The following SGCD variants were observed in gnomAD, a reference collection of about 807,000 sequenced individuals.
SGCD encodes sarcoglycan delta, also known as delta-sarcoglycan.
In SGCD, 18 loss-of-function variants were observed where a neutral mutation model predicts 36.6. The observed-to-expected ratio is 0.49, with a 90% CI of 0.34 to 0.73. The LOEUF (loss-of-function observed/expected upper bound fraction) is 0.73, where lower values mean the gene tolerates loss of function less well. SGCD is among the 30% of genes least tolerant of loss of function. The pLI is 0.01. For synonymous variants in SGCD, 133 were observed against 130.6 expected (o/e 1.02, Z -0.12); for missense variants, 387 against 346.7 (o/e 1.12, Z -0.92).
chr5:156,490,703 C>A (rs1249372116), intron 3 of SGCD, among the ~76,000 whole-genome samples: 1 of 151,848 alleles, frequency 6.6e-6, no homozygotes, highest in Non-Finnish European at 1.5e-5. Flanking sequence ...AAGGGACGTA[C>A]CTTGACATAC....
At chr5:156,244,931 A>ACT (rs764384278) in intron 3 of SGCD, among the ~76,000 whole-genome samples, 1 of 152,224 alleles carries the variant, frequency 6.6e-6, no homozygotes, top group Non-Finnish European at 1.5e-5. Flanking sequence ...TACTTAGAAT[A>ACT]AAGTCCAGAC....
intron 3 of SGCD, among the ~76,000 whole-genome samples, chr5:156,389,731 T>C (rs932911113): frequency 1.3e-5 from 2 of 152,176 alleles, no homozygotes; most frequent in Non-Finnish European, 2.9e-5. Context: ...TGTACCAGGA[T>C]TGGAGACCCC....
intron 3 of SGCD, among the ~76,000 whole-genome samples, chr5:156,212,809 C>A (rs899356164): frequency 1.3e-5 from 2 of 151,990 alleles, no homozygotes; most frequent in African/African-American, 4.8e-5. Context: ...TATTTTCTGT[C>A]CACAATGGCC....
rs367941495 is a variant in SGCD, at chr5:156,075,705, G to A, written c.-281-42173G>A. Among the ~76,000 whole-genome samples the A allele has an allele frequency of 9.9e-5, 15 of 152,148 alleles. No homozygotes were observed. In the East Asian group the frequency reaches 1.2e-3, roughly 12 times the overall value. On this transcript the variant is annotated intron_variant, in intron 1 of 9. Coordinates refer to the SGCD transcript ENST00000517913. ...AGTCCTTTGTAATAATTCAAGTGTG[G>A]GGTGATAACGATAGGTATTCTGGTG... is the stretch of plus-strand genomic sequence containing the variant.
At chr5:156,138,315 CA>C (rs1762505039) in intron 3 of SGCD, among the ~76,000 whole-genome samples, 2 of 152,162 alleles carry the variant, frequency 1.3e-5, no homozygotes, top group East Asian at 3.9e-4. Flanking sequence ...GCAGGAGAAT[CA>C]CTTGAACCCA....
chr5:155,960,294 C>G (rs1370889205), intron 1 of SGCD, among the ~76,000 whole-genome samples: 2 of 152,050 alleles, frequency 1.3e-5, no homozygotes, highest in African/African-American at 4.8e-5. Context: ...CTTGCCAAGG[C>G]CCAGGGGAGG....
intron 3 of SGCD, among the ~76,000 whole-genome samples, chr5:156,430,052 T>C (rs894212195): frequency 6.6e-6 from 1 of 152,190 alleles, no homozygotes; most frequent in Non-Finnish European, 1.5e-5. Context: ...TTGAGCTTTT[T>C]GTATTTGGAT....
intron 7 of SGCD, among the ~76,000 whole-genome samples, chr5:156,691,275 A>G (rs1219039724): frequency 6.6e-6 from 1 of 151,072 alleles, no homozygotes; most frequent in Non-Finnish European, 1.5e-5. Flanking sequence ...TGCATTGTCT[A>G]CTAGGTACAT....
chr5:156,297,666 A>C (rs1398035391), intron 3 of SGCD, among the ~76,000 whole-genome samples: 1 of 151,048 alleles, frequency 6.6e-6, no homozygotes, highest in East Asian at 1.9e-4. Flanking sequence ...GCGGGATAGC[A>C]TCGGGAGATA....
At chr5:155,787,402 C>A in the SGCD span, among the ~76,000 whole-genome samples, 3 of 152,090 alleles carry the variant, frequency 2.0e-5, no homozygotes, top group African/African-American at 7.2e-5. Flanking sequence ...GACTATAAAT[C>A]GCATATTATT....
chr5:156,395,302 T>C (rs1327413943), intron 3 of SGCD, among the ~76,000 whole-genome samples: 1 of 152,176 alleles, frequency 6.6e-6, no homozygotes, highest in Non-Finnish European at 1.5e-5. Flanking sequence ...CCTATGTGAT[T>C]GGTTAGGATG....
rs906379242 is a variant in SGCD, at chr5:156,313,677, G to A, written c.-43-15857G>A. Among the ~76,000 whole-genome samples, 35 of 152,058 alleles carry A rather than the reference G, an allele frequency of 2.3e-4. 1 individual carries two copies. The highest frequency in any genetic ancestry group is 2.2e-4 in the Non-Finnish European group (15 of 67,930). On this transcript the variant is annotated intron_variant, in intron 3 of 9. Coordinates refer to the SGCD transcript ENST00000517913. ...TATCTGAGTCTTAATAGCTGAAGGA[G>A]TTTGTTACTTAAATGGCTAGTTTGT...
intron 1 of SGCD, among the ~76,000 whole-genome samples, chr5:156,068,740 C>G (rs1224141335): frequency 2.0e-5 from 3 of 151,608 alleles, no homozygotes; most frequent in African/African-American, 7.3e-5. Flanking sequence ...GTCCCACCAA[C>G]AGTGTCAAAG....
chr5:155,743,710 C>T, the SGCD span, among the ~76,000 whole-genome samples: 2 of 152,208 alleles, frequency 1.3e-5, no homozygotes, highest in Non-Finnish European at 2.9e-5. Flanking sequence ...ATCTCCATCC[C>T]TCTATGTGTG....
intron 4 of SGCD, among the ~76,000 whole-genome samples, chr5:156,561,732 A>G (rs950087573): frequency 6.6e-6 from 1 of 151,752 alleles, no homozygotes; most frequent in Non-Finnish European, 1.5e-5. Context: ...TTTTTGTTCT[A>G]TATCACATAG....
chr5:156,207,369 T>C (rs901956016), intron 3 of SGCD, among the ~76,000 whole-genome samples: 3 of 152,204 alleles, frequency 2.0e-5, no homozygotes, highest in African/African-American at 4.8e-5. Context: ...TTAATATTTC[T>C]GGACCTCAAT....
At chr5:156,669,857 C>A (rs1753214812) in intron 7 of SGCD, among the ~76,000 whole-genome samples, 1 of 152,110 alleles carries the variant, frequency 6.6e-6, no homozygotes, top group African/African-American at 2.4e-5. Context: ...CAAAAGCAGT[C>A]CTAGATTTTT....
Position 156,030,155 on chromosome 5 carries a change from GCTTACT to G in SGCD, c.-281-87719_-281-87714del, listed in dbSNP as rs1759313644. ...GAGCTAGAGTGCTTGCTTTCAAGGA[GCTTACT>G]CTTGATTAGGGGTGATATGTAATAT... On this transcript the variant is annotated intron_variant, in intron 1 of 9. Coordinates refer to the SGCD transcript ENST00000517913. Among the ~76,000 whole-genome samples the G allele has an allele frequency of 2.0e-5, 3 of 152,316 alleles. No individual in the cohort carries two copies. In the South Asian group the frequency reaches 6.2e-4, roughly 32 times the overall value.
chr5:155,998,605 A>G lies in SGCD; in HGVS notation c.-281-119273A>G, dbSNP rs1251934395. ...GGTGGCACATCGTTCTCTGTGGTAT[A>G]GGTCTGTCTTGTCAACCTTAAATTG... On this transcript the variant is annotated intron_variant, in intron 1 of 9. Coordinates refer to the SGCD transcript ENST00000517913. Among the ~76,000 whole-genome samples the G allele has an allele frequency of 3.3e-5, 5 of 152,302 alleles. No individual in the cohort carries two copies. The East Asian group carries it at 9.6e-4, about 29-fold the overall frequency.
Sources: allele counts gnomAD v4.1 joint callset (sites outside exome capture counted in the v4.1 genomes callset), GRCh38; gene constraint gnomAD v4.1.1; transcripts MANE v1.5; gene names NCBI Gene and HGNC (gene_info 2026-07-23, HGNC 2026-07-21).